PRRC2C: variants seen among roughly 807,000 people sequenced by gnomAD.
The protein encoded by PRRC2C is protein PRRC2C.
PRRC2C carries 72 observed loss-of-function variants against 317.2 expected under a neutral mutation model. That is an observed-to-expected ratio of 0.23 (90% CI 0.19 to 0.28). The LOEUF (loss-of-function observed/expected upper bound fraction) is 0.28, where lower values mean the gene tolerates loss of function less well. PRRC2C is among the 10% of genes least tolerant of loss of function. The probability of loss-of-function intolerance (pLI) is 1.00; values close to 1 mark genes in which losing one functional copy is unlikely to be tolerated. For missense variants in PRRC2C, 3,074 were observed against 3,459.7 expected (o/e 0.89, Z 2.80); for synonymous variants, 1,296 against 1,205.9 (o/e 1.07, Z -1.55).
chr1:171,580,891 A>T lies in PRRC2C; in HGVS notation c.7409+927A>T, dbSNP rs1648415904. ...TTGTTTTTAGGAATTTGTTTTCAGAAGTGGGTTCAGATAGAATTTCTATAC... is the reference window on the plus strand; with the variant it reads ...TTGTTTTTAGGAATTTGTTTTCAGATGTGGGTTCAGATAGAATTTCTATAC... On this transcript the variant is annotated intron_variant, in intron 28 of 34. Coordinates refer to ENST00000647382, the MANE Select transcript of PRRC2C (RefSeq NM_001387844.1). Among the ~76,000 whole-genome samples the T allele has an allele frequency of 2.0e-5, 3 of 152,290 alleles. No homozygotes were observed. The South Asian group carries it at 6.2e-4, about 32-fold the overall frequency.
At chr1:171,509,438 G>T (rs1335362055) in intron 1 of PRRC2C, 1 of 152,218 alleles carries the variant, frequency 6.6e-6, no homozygotes, top group African/African-American at 2.4e-5. Context: ...AAGAAGGGAA[G>T]TGGGGATAGG....
At chr1:171,525,034 T>G (rs749428846) in intron 10 of PRRC2C, 69 bp downstream of exon 10, 4 of 1,265,166 alleles carry the variant, frequency 3.2e-6, no homozygotes, top group Non-Finnish European at 4.2e-6. Flanking sequence ...TGTAATACTA[T>G]GGATAATTAT....
At chr1:171,510,402 A>G (rs1208453426) in intron 1 of PRRC2C, 1 of 152,160 alleles carries the variant, frequency 6.6e-6, no homozygotes, top group East Asian at 1.9e-4. Context: ...TTTTCTTGAT[A>G]CATCAGTTCC....
In PRRC2C at chr1:171,537,469, G is replaced by A. The variant is rs370497802; in HGVS notation, c.2500G>A (p.Val834Ile). 2 of 1,560,478 alleles carry A rather than the reference G, an allele frequency of 1.3e-6. No homozygotes were observed. Among genetic ancestry groups the A allele is most frequent in the Non-Finnish European group, 1.7e-6 (2 of 1,150,818 alleles). Residue 834 changes from valine to isoleucine, a missense_variant, in exon 15 of 35, where the codon GTA becomes ATA. By Grantham distance (29) the Val-to-Ile change is conservative. Coordinates refer to ENST00000647382, the MANE Select transcript of PRRC2C (RefSeq NM_001387844.1). ...TPKATEEPED[V>I]RSEAALDQEQ... ...CAAAGCAACAGAAGAGCCTGAGGAT[G>A]TAAGGTAATAAATTATTTCAATTTA...
rs1424854846 is a variant in PRRC2C at position 171,593,432 on chromosome 1, AACG to A, written c.*1586_*1588del. On this transcript the variant is annotated 3_prime_UTR_variant, in exon 35 of 35. Transcript: ENST00000647382. ...AATTTTTTTCCATTTGTACAGGGGT[AACG>A]CACTGTATTAAATATGTAAGGTCTT... 6.6e-6 allele frequency: 1 copy of A among 152,072 alleles called. No individual in the cohort carries two copies. Among genetic ancestry groups the A allele is most frequent in the Admixed American group, 6.5e-5 (1 of 15,272 alleles). The allele number at this position is 152,072 out of a possible 1,614,324, so 9.4% of individuals were successfully genotyped here.
chr1:171,591,841 A>G lies in PRRC2C; in HGVS notation c.8691A>G (p.Lys2897=), dbSNP rs547020417. Residue 2897 remains lysine, a synonymous_variant, in exon 35 of 35, where the codon AAA becomes AAG. Coordinates refer to ENST00000647382, the MANE Select transcript of PRRC2C (RefSeq NM_001387844.1). ...KPQAIKTEET[K]S The stretch of plus-strand genomic sequence containing the variant: ...AGGCGATCAAAACCGAAGAAACAAA[A>G]TCTTAAAGGCTATGGTTTATTGCAG... 33 of 1,299,546 alleles carry G rather than the reference A, an allele frequency of 2.5e-5. No homozygotes were observed. The highest frequency in any genetic ancestry group is 3.3e-5 in the Non-Finnish European group (32 of 958,534). 80.5% of individuals were successfully genotyped at this position (1,299,546 alleles called of 1,614,324 possible). A position where few individuals can be genotyped will look rare whatever the true frequency, so the allele number is the denominator to read the frequency against.
At position 171,514,637 on chromosome 1, in the gene PRRC2C, A is replaced by G; in HGVS notation, c.392A>G (p.Gln131Arg). 2 of 1,555,854 alleles carry G rather than the reference A, an allele frequency of 1.3e-6. No homozygotes were observed. The highest frequency in any genetic ancestry group is 1.2e-5 in the South Asian group (1 of 84,206). Reference sequence around the variant, plus strand: ...TGGGCCAGTAACAAGCAAGGTGGGCAAGGAGATGGTAAGTGGACATTAGTT... The same window carrying G: ...TGGGCCAGTAACAAGCAAGGTGGGCGAGGAGATGGTAAGTGGACATTAGTT... Reference protein sequence around the residue: ...KSWASNKQGGQGDGIQVNSQF... With the variant: ...KSWASNKQGGRGDGIQVNSQF... The change falls in exon 4 of 35, where the codon CAA (glutamine) becomes CGA (arginine). Residue 131 changes from glutamine to arginine, a missense_variant. Around this residue, in one of 11 missense-constraint regions of PRRC2C, gnomAD observed 237 missense variants for 199.5 expected, o/e 1.19. Coordinates refer to ENST00000647382, the MANE Select transcript of PRRC2C (RefSeq NM_001387844.1).
Position 171,566,381 on chromosome 1 carries a change from G to A in PRRC2C, c.6266G>A (p.Arg2089Gln), listed in dbSNP as rs1193933979. The change falls in exon 21 of 35, where the codon CGG becomes CAG. Residue 2089 changes from arginine (R) to glutamine (Q), a missense_variant. This residue lies in a region of PRRC2C where 640 missense variants were observed against 676.1 expected (regional missense o/e 0.95). Coordinates refer to ENST00000647382, the MANE Select transcript of PRRC2C (RefSeq NM_001387844.1). ...AAAATACCTGAACCTAAAGAACAGCGGCAGAAGCAGCCACGAGCAGGACCT... is the reference window on the plus strand; with the variant it reads ...AAAATACCTGAACCTAAAGAACAGCAGCAGAAGCAGCCACGAGCAGGACCT... ...ADKIPEPKEQRQKQPRAGPIK... is the reference protein window; with the variant it reads ...ADKIPEPKEQQQKQPRAGPIK... 4.4e-6 allele frequency: 7 copies of A among 1,588,302 alleles called. No homozygotes were observed. The highest frequency in any genetic ancestry group is 1.3e-5 in the African/African-American group (1 of 74,384).
chr1:171,558,540 C>G (rs1681903803), intron 19 of PRRC2C, among the ~76,000 whole-genome samples: 1 of 152,222 alleles, frequency 6.6e-6, no homozygotes, highest in Non-Finnish European at 1.5e-5. Flanking sequence ...GTCATTCTTG[C>G]AATATGTCAA....
chr1:171,584,106 C>T lies in PRRC2C; in HGVS notation c.7560C>T (p.Pro2520=). 3 of 1,613,960 alleles carry T rather than the reference C, an allele frequency of 1.9e-6. No homozygotes were observed. The highest frequency in any genetic ancestry group is 2.2e-5 in the East Asian group (1 of 44,890). The change falls in exon 29 of 35, where the codon CCC becomes CCT. Residue 2520 remains proline, a synonymous_variant. Coordinates refer to ENST00000647382, the MANE Select transcript of PRRC2C (RefSeq NM_001387844.1). The part of the protein sequence containing the change: ...LAFQQTSNTQ[P]IPILYEHQLG... ...TTCAGCAAACATCAAATACTCAGCC[C>T]ATTCCTATATTGTATGAACATCAAC...
At position 171,555,688 on chromosome 1, in the gene PRRC2C, T is replaced by A. The variant is rs1049001839; in HGVS notation, c.5128-1552T>A. ...TTTTGTTGATGTTGATGCTATTCCT[T>A]TCTGTTTGTTAGTTTTCCTTCTAAC... is the stretch of plus-strand genomic sequence containing the variant. On this transcript the variant is annotated intron_variant, in intron 18 of 34. Transcript: ENST00000647382. 3.9e-5 allele frequency among the ~76,000 whole-genome samples: 6 copies of A among 152,326 alleles called. No homozygotes were observed. The East Asian group carries it at 1.2e-3, about 29-fold the overall frequency.
In PRRC2C at chr1:171,540,553, A is replaced by G. The variant is rs1677771345; in HGVS notation, c.3087A>G (p.Glu1029=). ...CTGTACTTAGAGATATGAAAGAGGA[A>G]CGGGAACAGAGGAAGGAGAAAGAAG... The part of the protein sequence containing the change: ...KKPVLRDMKE[E]REQRKEKEGE... The change falls in exon 16 of 35, where the codon GAA becomes GAG. Residue 1029 remains glutamate, a synonymous_variant. Transcript: ENST00000647382. 6.2e-7 allele frequency: 1 copy of G among 1,613,916 alleles called. No homozygotes were observed. Among genetic ancestry groups the G allele is most frequent in the Non-Finnish European group, 8.5e-7 (1 of 1,179,870 alleles).
At chr1:171,574,600 A>G (rs1340319388) in intron 24 of PRRC2C, among the ~76,000 whole-genome samples, 1 of 152,220 alleles carries the variant, frequency 6.6e-6, no homozygotes. Flanking sequence ...TTTGCCATTT[A>G]AGAAGCATTG....
At chr1:171,583,121 T>C (rs1011047007) in intron 28 of PRRC2C, among the ~76,000 whole-genome samples, 7 of 151,954 alleles carry the variant, frequency 4.6e-5, no homozygotes, top group Admixed American at 3.9e-4. Flanking sequence ...CTACAGGCAC[T>C]TGCTACCATG....
At position 171,571,520 on chromosome 1, in the gene PRRC2C, A is replaced by G. The variant is rs1044459905; in HGVS notation, c.6753+99A>G. On this transcript the variant is annotated intron_variant, in intron 24 of 34. Transcript: ENST00000647382. ...GGTATTTTTACTAGATTTATGTGGT[A>G]AGCAACAATACTAAGCTGAGGAAAT... The G allele has an allele frequency of 5.9e-6, 5 of 851,764 alleles. No homozygotes were observed. In the Admixed American group the frequency reaches 8.2e-5, roughly 14 times the overall value. 52.8% of individuals were successfully genotyped at this position (851,764 alleles called of 1,614,324 possible). A position where few individuals can be genotyped will look rare whatever the true frequency, so the allele number is the denominator to read the frequency against.
chr1:171,538,262 A>G (rs2102471986), intron 15 of PRRC2C, among the ~76,000 whole-genome samples: 1 of 152,332 alleles, frequency 6.6e-6, no homozygotes, highest in African/African-American at 2.4e-5. Flanking sequence ...GACGTGAGCC[A>G]TCGTGTGCAG....
chr1:171,550,989 G>A (rs949711813), intron 18 of PRRC2C, among the ~76,000 whole-genome samples: 2 of 152,128 alleles, frequency 1.3e-5, no homozygotes, highest in African/African-American at 4.8e-5. Flanking sequence ...ACCCAGTAAT[G>A]GGATCGCTGG....
intron 11 of PRRC2C, 81 bp downstream of exon 11, chr1:171,527,925 C>A (rs1302850598): frequency 1.7e-6 from 2 of 1,192,604 alleles, no homozygotes; most frequent in Non-Finnish European, 2.4e-6. Flanking sequence ...ATTTTTTATT[C>A]AAAACTTTTA....
At chr1:171,518,661 C>CTTTTTT (rs386368727) in intron 6 of PRRC2C, among the ~76,000 whole-genome samples, 22 of 58,122 alleles carry the variant, frequency 3.8e-4, no homozygotes, top group East Asian at 1.8e-3. Flanking sequence ...CCACACCTGG[C>CTTTTTT]TTTTTTTTTT....
Sources: gnomAD v4.1 joint callset for allele counts (sites outside exome capture counted in the v4.1 genomes callset) on GRCh38, gnomAD v4.1.1 for gene constraint, gnomAD v4.1.1 regional missense constraint, MANE v1.5 for transcripts, NCBI Gene and HGNC (gene_info 2026-07-23, HGNC 2026-07-21) for gene names.